UNG: variants seen among roughly 807,000 people sequenced by gnomAD.
UNG encodes uracil DNA glycosylase.
Under a neutral mutation model 36.5 loss-of-function variants are expected in UNG, and 34 were observed. That is an observed-to-expected ratio of 0.93 (90% confidence interval 0.71 to 1.24). The LOEUF is 1.24. Ranked by LOEUF, UNG falls within the 50% of genes most tolerant of loss-of-function variation. The pLI is 0.00. For missense variants in UNG, 391 were observed against 397.6 expected, an observed-to-expected ratio of 0.98 and a Z score of 0.14; for synonymous variants, 172 against 157.8, an observed-to-expected ratio of 1.09 and a Z score of -0.67.
At chr12:109,099,662 A>G (rs531358619) in intron 3 of UNG, among the ~76,000 whole-genome samples, 9 of 152,336 alleles carry the variant, frequency 5.9e-5, no homozygotes, top group African/African-American at 1.9e-4. Context: ...CCTTATAGTT[A>G]GCACTTTCAA....
At chr12:109,103,903 G>C (rs1021283858) in intron 6 of UNG, among the ~76,000 whole-genome samples, 3 of 152,108 alleles carry the variant, frequency 2.0e-5, no homozygotes, top group African/African-American at 7.2e-5. Flanking sequence ...ACAAGTCCCT[G>C]GGTACCATTC....
chr12:109,102,948 T>TTA, intron 5 of UNG, 21 bp downstream of exon 5: 2 of 306,252 alleles, frequency 6.5e-6, no homozygotes, highest in Non-Finnish European at 1.0e-5. Context: ...GACTGCTAGA[T>TTA]TTTTTTTTTT....
chr12:109,100,490 C>A (rs764436993), intron 3 of UNG, among the ~76,000 whole-genome samples: 1 of 152,120 alleles, frequency 6.6e-6, no homozygotes, highest in Non-Finnish European at 1.5e-5. Flanking sequence ...TAGAAAATCT[C>A]GTAAGCTTAA....
intron 6 of UNG, among the ~76,000 whole-genome samples, chr12:109,106,577 CTG>C (rs1210436256): frequency 6.6e-6 from 1 of 151,866 alleles, no homozygotes; most frequent in Non-Finnish European, 1.5e-5. Flanking sequence ...CAGTCATAAA[CTG>C]TATATATGAC....
At chr12:109,101,717 TAAAA>T (rs1259334745) in intron 3 of UNG, among the ~76,000 whole-genome samples, 181 bp from the exon 4 acceptor site, 1 of 152,092 alleles carries the variant, frequency 6.6e-6, no homozygotes, top group Non-Finnish European at 1.5e-5. Context: ...CTCAAAAAAT[TAAAA>T]AAGCAGCTAG....
In UNG at chr12:109,103,437, TCTC is replaced by T; in HGVS notation, c.630_632del (p.Leu212del). 6 of 1,614,134 alleles carry T rather than the reference TCTC, an allele frequency of 3.7e-6. No homozygotes were observed. Among genetic ancestry groups the T allele is most frequent in the Non-Finnish European group, 5.1e-6 (6 of 1,180,014 alleles). On this transcript the variant is annotated inframe_deletion, in exon 6 of 7. Transcript: ENST00000242576. The stretch of plus-strand genomic sequence containing the variant: ...CTGTTTCTCTCATGTGTATAGGTGT[TCTC>T]CTTCTCAACGCTGTCCTCACGGTTC...
At chr12:109,107,680 C>T (rs1480498721) in intron 6 of UNG, among the ~76,000 whole-genome samples, 1 of 151,894 alleles carries the variant, frequency 6.6e-6, no homozygotes, top group African/African-American at 2.4e-5. Flanking sequence ...CATGTACCAC[C>T]ACATCCAGCT....
intron 6 of UNG, among the ~76,000 whole-genome samples, chr12:109,104,496 C>T (rs1410107920): frequency 1.3e-5 from 2 of 152,182 alleles, no homozygotes; most frequent in Non-Finnish European, 2.9e-5. Flanking sequence ...TTGTGGAAAT[C>T]AGAGACCTAA....
At position 109,103,300 on chromosome 12, in the gene UNG, T is replaced by G. The variant is rs544707880; in HGVS notation, c.623-133T>G. ...TAGTGGCTGCTGCCATTATGCCGGC[T>G]GCAGCAGGGAAGCACAGCTTGCTAC... is the stretch of plus-strand genomic sequence containing the variant. On this transcript the variant is annotated intron_variant, in intron 5 of 6. Coordinates refer to ENST00000242576, the MANE Select transcript of UNG (RefSeq NM_080911.3). The G allele has an allele frequency of 1.3e-4, 112 of 873,356 alleles. No individual in the cohort carries two copies. In the African/African-American group the frequency reaches 1.3e-3, roughly 10 times the overall value. 54.1% of individuals were successfully genotyped at this position (873,356 alleles called of 1,614,324 possible). A position where few individuals can be genotyped will look rare whatever the true frequency, so the allele number is the denominator to read the frequency against.
chr12:109,099,694 C>G (rs370818192), intron 3 of UNG, among the ~76,000 whole-genome samples: 1 of 152,174 alleles, frequency 6.6e-6, no homozygotes, highest in South Asian at 2.1e-4. Flanking sequence ...CTGGCCTGAA[C>G]AGTTTTGTGG....
At chr12:109,100,969 CTTCAT>C (rs201623117) in intron 3 of UNG, among the ~76,000 whole-genome samples, 3,748 of 152,214 alleles carry the variant, frequency 0.025, 54 homozygotes, top group African/African-American at 0.039. Flanking sequence ...GTGACAGGAA[CTTCAT>C]TTCATTTCAT....
At chr12:109,098,110 T>C (rs2042145556) in intron 1 of UNG, 2 of 1,380,342 alleles carry the variant, frequency 1.4e-6, no homozygotes, top group African/African-American at 1.5e-5. Flanking sequence ...GGGAGGTTTT[T>C]TGCCGCGAAA....
intron 3 of UNG, among the ~76,000 whole-genome samples, chr12:109,099,584 T>A (rs895814275): frequency 6.6e-6 from 1 of 151,590 alleles, no homozygotes; most frequent in Non-Finnish European, 1.5e-5. Context: ...AAGTTCAAAC[T>A]GACACACAAA....
At position 109,099,239 on chromosome 12, in the gene UNG, C is replaced by T; in HGVS notation, c.390C>T (p.Pro130=). 1 of 1,614,044 alleles carries T rather than the reference C, an allele frequency of 6.2e-7. No individual in the cohort carries two copies. Among genetic ancestry groups the T allele is most frequent in the Non-Finnish European group, 8.5e-7 (1 of 1,180,018 alleles). Residue 130 remains proline, a synonymous_variant, in exon 3 of 7, where the codon CCC becomes CCT. Transcript: ENST00000242576. ...EERKHYTVYP[P]PHQVFTWTQM... ...GAAAGCATTACACTGTTTATCCACC[C>T]CCACACCAAGTCTTCACCTGGACCC... is the stretch of plus-strand genomic sequence containing the variant.
At position 109,102,947 on chromosome 12, in the gene UNG, ATTTT is replaced by A. The variant is rs386377711; in HGVS notation, c.622+39_622+42del. 2.2e-3 allele frequency: 2,166 copies of A among 965,822 alleles called. No homozygotes were observed. The highest frequency in any genetic ancestry group is 2.5e-3 in the Non-Finnish European group (1,694 of 669,154). 59.8% of individuals were successfully genotyped at this position (965,822 alleles called of 1,614,324 possible). A position where few individuals can be genotyped will look rare whatever the true frequency, so the allele number is the denominator to read the frequency against. On this transcript the variant is annotated intron_variant, in intron 5 of 6. Coordinates refer to ENST00000242576, the MANE Select transcript of UNG (RefSeq NM_080911.3). Reference sequence around the variant, plus strand: ...AGCAAGGTAAGCCAGCGACTGCTAGATTTTTTTTTTTTTTTTTTTTTTGAGACCG... The same window carrying A: ...AGCAAGGTAAGCCAGCGACTGCTAGATTTTTTTTTTTTTTTTTTGAGACCG...
At chr12:109,100,891 G>C (rs2042170656) in intron 3 of UNG, among the ~76,000 whole-genome samples, 1 of 152,262 alleles carries the variant, frequency 6.6e-6, no homozygotes, top group South Asian at 2.1e-4. Context: ...GCAGAAGCTT[G>C]AGAATGAAGA....
rs2042194519 is a variant in UNG, at chr12:109,103,514, C to A, written c.704C>A (p.Thr235Asn). ...AAGGAGCGAGGCTGGGAGCAGTTCACTGATGCAGTTGTGTCCTGGCTAAAT... is the reference window on the plus strand; with the variant it reads ...AAGGAGCGAGGCTGGGAGCAGTTCAATGATGCAGTTGTGTCCTGGCTAAAT... Reference protein sequence around the residue: ...SHKERGWEQFTDAVVSWLNQN... With the variant: ...SHKERGWEQFNDAVVSWLNQN... The change falls in exon 6 of 7, where the codon ACT (threonine) becomes AAT (asparagine). Residue 235 changes from threonine (T) to asparagine (N), a missense_variant. Physicochemically the swap from Thr to Asn is moderately conservative, Grantham distance 65 (BLOSUM62 0). Coordinates refer to ENST00000242576, the MANE Select transcript of UNG (RefSeq NM_080911.3). The A allele has an allele frequency of 6.2e-7, 1 of 1,614,126 alleles. No homozygotes were observed. The highest frequency in any genetic ancestry group is 1.1e-5 in the South Asian group (1 of 91,090).
At chr12:109,098,313 G>A (rs756499914) in intron 1 of UNG, 119 bp from the exon 2 acceptor site, 2 of 1,595,282 alleles carry the variant, frequency 1.3e-6, no homozygotes, top group South Asian at 1.1e-5. Flanking sequence ...CTTTTGCTGG[G>A]ACCTGTTCCA....
rs1176077678 is a variant in UNG at position 109,098,527 on chromosome 12, G to A, written c.228G>A (p.Arg76=). ...LSAEQLDRIQ[R]NKAAALLRLA... ...CCGAGCAGTTGGACCGGATCCAGAG[G>A]AACAAGGCCGCGGCCCTGCTCAGAC... Residue 76 remains arginine, a synonymous_variant, in exon 2 of 7, where the codon AGG becomes AGA. Coordinates refer to ENST00000242576, the MANE Select transcript of UNG (RefSeq NM_080911.3). The A allele has an allele frequency of 3.7e-6, 6 of 1,612,976 alleles. No individual in the cohort carries two copies. Among genetic ancestry groups the A allele is most frequent in the Non-Finnish European group, 8.5e-7 (1 of 1,179,980 alleles).
Sources: gnomAD v4.1 joint callset for allele counts (sites outside exome capture counted in the v4.1 genomes callset) on GRCh38, gnomAD v4.1.1 for gene constraint, MANE v1.5 for transcripts, NCBI Gene and HGNC (gene_info 2026-07-23, HGNC 2026-07-21) for gene names.